The following PLA2R1 variants were observed in gnomAD, a reference collection of about 807,000 sequenced individuals.
PLA2R1 encodes the protein secretory phospholipase A2 receptor.
In PLA2R1, 158 loss-of-function variants were observed where a neutral mutation model predicts 195.9. The observed-to-expected ratio is 0.81, with a 90% CI of 0.71 to 0.92. The LOEUF is 0.92. Ranked by LOEUF, PLA2R1 falls within the 40% of genes least tolerant of loss-of-function variation. The probability of loss-of-function intolerance (pLI) is 0.00; values close to 1 mark genes in which losing one functional copy is unlikely to be tolerated. For missense variants in PLA2R1, 1,626 were observed against 1,764.6 expected (o/e 0.92, Z 1.41); for synonymous variants, 586 against 598.2 (o/e 0.98, Z 0.30).
chr2:159,976,722 T>C lies in PLA2R1; in HGVS notation c.2402-2A>G, dbSNP rs992033858. The C allele has an allele frequency of 1.2e-6, 2 of 1,609,276 alleles. No homozygotes were observed. The highest frequency in any genetic ancestry group is 2.2e-5 in the East Asian group (1 of 44,704). ...AGAACGGAATCTTGGGTTTCACATC[T>C]GCAAAGTGAAAGCAAATCACTTTGA... On this transcript the variant is annotated splice_acceptor_variant, in intron 15 of 29. Transcript: ENST00000283243. LOFTEE classifies it high-confidence loss of function.
intron 20 of PLA2R1, 106 bp downstream of exon 20, chr2:159,967,433 T>A: frequency 2.3e-6 from 2 of 884,236 alleles, no homozygotes; most frequent in Non-Finnish European, 1.7e-6. Flanking sequence ...TTCCAGGTCC[T>A]ATGGACAACT....
chr2:160,050,295 T>G (rs940083169), intron 1 of PLA2R1, among the ~76,000 whole-genome samples: 1 of 152,236 alleles, frequency 6.6e-6, no homozygotes, highest in East Asian at 1.9e-4. Flanking sequence ...CACATGTACT[T>G]GCCCACTTTC....
Position 160,042,800 on chromosome 2 carries a change from CGTGTGTGTGTGTGTGTGTGTGT to C in PLA2R1, c.494-624_494-603del, listed in dbSNP as rs111414981. 3.5e-3 allele frequency among the ~76,000 whole-genome samples: 420 copies of C among 119,710 alleles called. 3 individuals are homozygous for C. The highest frequency in any genetic ancestry group is 0.011 in the African/African-American group (396 of 35,946). The allele number at this position is 119,710 out of a possible 152,430, so 78.5% of individuals were successfully genotyped here. A position where few individuals can be genotyped will look rare whatever the true frequency, so the allele number is the denominator to read the frequency against. ...GAAGACAGAGTGGGGTGTGTGTGTG[CGTGTGTGTGTGTGTGTGTGTGT>C]GTGTGTGTGTGTGTGTGTGTATGTG... On this transcript the variant is annotated intron_variant, in intron 2 of 29. Transcript: ENST00000283243.
intron 11 of PLA2R1, among the ~76,000 whole-genome samples, chr2:159,997,723 A>C (rs535175049): frequency 6.6e-6 from 1 of 152,138 alleles, no homozygotes; most frequent in East Asian, 1.9e-4. Context: ...ATTTCTGCTC[A>C]TGGGTTTCTG....
At chr2:160,012,271 T>C (rs1488748143) in intron 10 of PLA2R1, among the ~76,000 whole-genome samples, 1 of 152,178 alleles carries the variant, frequency 6.6e-6, no homozygotes, top group Non-Finnish European at 1.5e-5. Flanking sequence ...CCACTGGAGT[T>C]CTACCCCGCT....
chr2:160,050,063 T>G (rs1695123024), intron 1 of PLA2R1, among the ~76,000 whole-genome samples: 1 of 152,100 alleles, frequency 6.6e-6, no homozygotes, highest in Non-Finnish European at 1.5e-5. Flanking sequence ...GGCACACATT[T>G]CCCTATGCAA....
intron 13 of PLA2R1, 90 bp from the exon 14 acceptor site, chr2:159,980,004 A>G: frequency 4.3e-6 from 3 of 691,004 alleles, no homozygotes; most frequent in Non-Finnish European, 7.8e-6. Flanking sequence ...TGGCACATGT[A>G]TACACATGTA....
chr2:159,931,493 A>C (rs1686584998), downstream of PLA2R1, among the ~76,000 whole-genome samples: 1 of 152,214 alleles, frequency 6.6e-6, no homozygotes, highest in South Asian at 2.1e-4. Context: ...ATTATTGAGC[A>C]AGACAACTAC....
chr2:159,975,971 T>A (rs574999622), intron 17 of PLA2R1, 97 bp downstream of exon 17: 1 of 874,476 alleles, frequency 1.1e-6, no homozygotes, highest in East Asian at 2.4e-5. Flanking sequence ...TAAATAAATA[T>A]CCGAAGTCAA....
intron 17 of PLA2R1, among the ~76,000 whole-genome samples, chr2:159,975,728 C>A (rs1446804452): frequency 6.6e-6 from 1 of 151,932 alleles, no homozygotes; most frequent in African/African-American, 2.4e-5. Flanking sequence ...GAATTTGGGT[C>A]TTTTTTAATC....
At chr2:160,037,228 G>C (rs1694219121) in intron 3 of PLA2R1, among the ~76,000 whole-genome samples, 4 of 152,190 alleles carry the variant, frequency 2.6e-5, no homozygotes, top group Admixed American at 2.6e-4. Context: ...CAGTATAATA[G>C]AGCCAGAGTA....
Position 159,967,641 on chromosome 2 carries a change from A to G in PLA2R1, c.2802T>C (p.Pro934=). ...AAACCTTTTTTCGCTTACAGATACTAGGCATAGAAACTGAACACTCTTCAC... is the reference window on the plus strand; with the variant it reads ...AAACCTTTTTTCGCTTACAGATACTGGGCATAGAAACTGAACACTCTTCAC... ...WGSEECSVSM[P]SICKRKKVWL... Residue 934 remains proline (P), a synonymous_variant, in exon 20 of 30, where the codon CCT becomes CCC. Transcript: ENST00000283243. 1 of 1,613,774 alleles carries G rather than the reference A, an allele frequency of 6.2e-7. No individual in the cohort carries two copies. The highest frequency in any genetic ancestry group is 1.3e-5 in the African/African-American group (1 of 75,038).
chr2:160,031,254 T>C (rs1171226471), intron 4 of PLA2R1, among the ~76,000 whole-genome samples: 1 of 152,216 alleles, frequency 6.6e-6, no homozygotes, highest in Non-Finnish European at 1.5e-5. Context: ...CAAAGGTTTG[T>C]GCAGGGATGG....
intron 1 of PLA2R1, among the ~76,000 whole-genome samples, chr2:160,061,049 T>C (rs919449941): frequency 1.3e-5 from 2 of 152,216 alleles, no homozygotes; most frequent in African/African-American, 2.4e-5. Context: ...AAACACAGTC[T>C]AGAAAAGACT....
At chr2:160,049,763 C>T (rs1320039630) in intron 1 of PLA2R1, among the ~76,000 whole-genome samples, 1 of 152,050 alleles carries the variant, frequency 6.6e-6, no homozygotes, top group African/African-American at 2.4e-5. Flanking sequence ...GAGGTGGAGG[C>T]TGCAGTGAGC....
At chr2:159,957,580 C>G (rs1261767146) in intron 20 of PLA2R1, among the ~76,000 whole-genome samples, 3 of 152,124 alleles carry the variant, frequency 2.0e-5, no homozygotes, top group Non-Finnish European at 4.4e-5. Context: ...GTCTTGATCT[C>G]TTGACCTTGT....
At position 159,969,191 on chromosome 2, in the gene PLA2R1, G is replaced by T. The variant is rs1011268864; in HGVS notation, c.2764+65C>A. The T allele has an allele frequency of 5.2e-6, 4 of 764,942 alleles. No individual in the cohort carries two copies. In the East Asian group the frequency reaches 7.6e-5, roughly 15 times the overall value. The allele number at this position is 764,942 out of a possible 1,614,324, so 47.4% of individuals were successfully genotyped here. ...TCTCATGGAAATGATGCAAGGAAAA[G>T]ACTTTAAGCCTCCTGAAAATTATCA... On this transcript the variant is annotated intron_variant, in intron 19 of 29. Transcript: ENST00000283243.
intron 20 of PLA2R1, among the ~76,000 whole-genome samples, chr2:159,962,200 C>G (rs1327298371): frequency 6.6e-6 from 1 of 152,118 alleles, no homozygotes; most frequent in Non-Finnish European, 1.5e-5. Context: ...AAAAAACAAA[C>G]AACCCCATCA....
chr2:160,051,455 G>C (rs1162030600), intron 1 of PLA2R1, among the ~76,000 whole-genome samples: 1 of 152,178 alleles, frequency 6.6e-6, no homozygotes, highest in African/African-American at 2.4e-5. Flanking sequence ...ACATTATTAG[G>C]TTTCAGCAGG....
Sources: gnomAD v4.1 joint callset for allele counts (sites outside exome capture counted in the v4.1 genomes callset) on GRCh38, gnomAD v4.1.1 for gene constraint, MANE v1.5 for transcripts, NCBI Gene and HGNC (gene_info 2026-07-23, HGNC 2026-07-21) for gene names.